The following BRINP3 variants were observed in gnomAD, a reference collection of about 807,000 sequenced individuals.
BRINP3 encodes BMP/retinoic acid inducible neural specific 3.
In BRINP3, 19 loss-of-function variants were observed where a neutral mutation model predicts 71.0. The observed-to-expected ratio is 0.27, with a 90% CI of 0.19 to 0.39. BRINP3 has a LOEUF of 0.39. BRINP3 is among the 10% of genes least tolerant of loss of function. The pLI is 1.00. For missense variants in BRINP3, 959 were observed against 940.8 expected (o/e 1.02, Z -0.25); for synonymous variants, 380 against 337.7 (o/e 1.13, Z -1.37).
At chr1:190,354,977 G>A (rs554825837) in intron 2 of BRINP3, among the ~76,000 whole-genome samples, 27 of 151,590 alleles carry the variant, frequency 1.8e-4, no homozygotes, top group South Asian at 2.1e-4. Flanking sequence ...TTATTTCTGC[G>A]TTACCTAATT....
intron 2 of BRINP3, among the ~76,000 whole-genome samples, chr1:190,408,669 C>T (rs1162704281): frequency 2.0e-5 from 3 of 152,094 alleles, no homozygotes; most frequent in Admixed American, 1.3e-4. Flanking sequence ...GTATTAAACT[C>T]TTTTTTCTAT....
At chr1:190,222,533 A>G (rs960690256) in intron 6 of BRINP3, among the ~76,000 whole-genome samples, 11 of 151,908 alleles carry the variant, frequency 7.2e-5, no homozygotes, top group African/African-American at 2.7e-4. Flanking sequence ...TTAATAGAAG[A>G]AATAATAAAA....
chr1:190,252,268 T>C (rs1660217461), intron 4 of BRINP3, among the ~76,000 whole-genome samples: 1 of 152,068 alleles, frequency 6.6e-6, no homozygotes, highest in Admixed American at 6.6e-5. Context: ...TTAGTTACAC[T>C]GATGGGATTT....
chr1:190,304,669 G>C (rs555302529), intron 2 of BRINP3, among the ~76,000 whole-genome samples: 1 of 151,878 alleles, frequency 6.6e-6, no homozygotes, highest in South Asian at 2.1e-4. Flanking sequence ...AGGAGAAAAA[G>C]CATAGGAAAA....
At chr1:190,373,813 TA>T (rs1670019377) in intron 2 of BRINP3, among the ~76,000 whole-genome samples, 1 of 151,446 alleles carries the variant, frequency 6.6e-6, no homozygotes, top group African/African-American at 2.4e-5. Flanking sequence ...CGTGCAAAAG[TA>T]AAACAATTAA....
intron 3 of BRINP3, among the ~76,000 whole-genome samples, chr1:190,275,251 T>C (rs1662456478): frequency 6.6e-6 from 1 of 151,660 alleles, no homozygotes; most frequent in African/African-American, 2.4e-5. Flanking sequence ...AACAAGATTT[T>C]CTAAAACATT....
At chr1:190,386,238 GA>G (rs904142903) in intron 2 of BRINP3, among the ~76,000 whole-genome samples, 5 of 97,348 alleles carry the variant, frequency 5.1e-5, no homozygotes, top group South Asian at 3.6e-4. Context: ...AATAATAAAA[GA>G]AAAAAAAACT....
intron 2 of BRINP3, among the ~76,000 whole-genome samples, chr1:190,381,423 G>C (rs1404714330): frequency 1.3e-5 from 2 of 152,080 alleles, no homozygotes; most frequent in Non-Finnish European, 2.9e-5. Context: ...TTCAGGAGTA[G>C]TATTCATATT....
intron 7 of BRINP3, among the ~76,000 whole-genome samples, chr1:190,107,378 G>A (rs765594769): frequency 1.5e-4 from 23 of 151,770 alleles, no homozygotes; most frequent in African/African-American, 4.6e-4. Context: ...TTTCAACTAC[G>A]TGGAATTTTC....
chr1:190,250,591 T>C (rs1351425435), intron 4 of BRINP3, among the ~76,000 whole-genome samples: 1 of 151,942 alleles, frequency 6.6e-6, no homozygotes, highest in Non-Finnish European at 1.5e-5. Context: ...GCATCATTCA[T>C]TTATAGAGAT....
chr1:190,258,233 A>G (rs556970769), intron 4 of BRINP3, among the ~76,000 whole-genome samples: 100 of 152,262 alleles, frequency 6.6e-4, no homozygotes, highest in Non-Finnish European at 7.4e-4. Context: ...CTTGCAGGTC[A>G]ATCTCAGTCT....
At chr1:190,452,767 G>C (rs1027355562) in intron 2 of BRINP3, among the ~76,000 whole-genome samples, 1 of 152,136 alleles carries the variant, frequency 6.6e-6, no homozygotes, top group Non-Finnish European at 1.5e-5. Flanking sequence ...TGAGGCAGGA[G>C]AATCGCTTAA....
At chr1:190,272,107 C>CCACATTTT (rs1662161373) in intron 3 of BRINP3, among the ~76,000 whole-genome samples, 2 of 151,454 alleles carry the variant, frequency 1.3e-5, no homozygotes, top group African/African-American at 4.8e-5. Context: ...ATTTAAAAGT[C>CCACATTTT]TTTTTCAGTG....
At chr1:190,346,661 T>C (rs552349572) in intron 2 of BRINP3, among the ~76,000 whole-genome samples, 108 of 152,238 alleles carry the variant, frequency 7.1e-4, no homozygotes, top group Non-Finnish European at 1.2e-3. Context: ...CCTTAGAATA[T>C]GCATTTATAT....
chr1:190,383,288 T>C (rs568716686), intron 2 of BRINP3, among the ~76,000 whole-genome samples: 1 of 152,226 alleles, frequency 6.6e-6, no homozygotes, highest in African/African-American at 2.4e-5. Flanking sequence ...ATGGAAGTCA[T>C]TATTTGCCAC....
intron 2 of BRINP3, among the ~76,000 whole-genome samples, chr1:190,297,667 A>G (rs1664351124): frequency 1.3e-5 from 2 of 152,008 alleles, no homozygotes; most frequent in South Asian, 4.1e-4. Context: ...TACACCGTTC[A>G]TATTATGGAT....
intron 2 of BRINP3, among the ~76,000 whole-genome samples, chr1:190,321,465 A>T (rs903783214): frequency 6.6e-6 from 1 of 152,160 alleles, no homozygotes; most frequent in African/African-American, 2.4e-5. Flanking sequence ...TCTGATTTAT[A>T]GAAATAAAAA....
rs112506438 is a variant in BRINP3 at position 190,315,347 on chromosome 1, A to G, written c.237-33597T>C. Among the ~76,000 whole-genome samples the G allele has an allele frequency of 5.3e-3, 811 of 152,188 alleles. 7 individuals are homozygous for G. Among genetic ancestry groups the G allele is most frequent in the African/African-American group, 0.018 (762 of 41,526 alleles). On this transcript the variant is annotated intron_variant, in intron 2 of 7. Coordinates refer to ENST00000367462, the MANE Select transcript of BRINP3 (RefSeq NM_199051.3). Reference sequence around the variant, plus strand: ...GGAAGCTGTGGTGTTCCCAAGGAGGAAATTCGACCTAGTGGAATGGCCATT... The same window carrying G: ...GGAAGCTGTGGTGTTCCCAAGGAGGGAATTCGACCTAGTGGAATGGCCATT...
intron 7 of BRINP3, among the ~76,000 whole-genome samples, chr1:190,132,213 A>G (rs1654603251): frequency 6.6e-6 from 1 of 152,110 alleles, no homozygotes; most frequent in Non-Finnish European, 1.5e-5. Context: ...AGCCTCCTAT[A>G]GATGGGTAAT....
Sources: gnomAD v4.1 joint callset for allele counts (sites outside exome capture counted in the v4.1 genomes callset) on GRCh38, gnomAD v4.1.1 for gene constraint, MANE v1.5 for transcripts, NCBI Gene and HGNC (gene_info 2026-07-23, HGNC 2026-07-21) for gene names.